The following MGA variants were observed in gnomAD, a reference collection of about 807,000 sequenced individuals.
The protein encoded by MGA is MAX gene-associated protein.
A neutral mutation model predicts 261.1 loss-of-function variants in MGA; 40 were observed. That is an observed-to-expected ratio of 0.15 (90% confidence interval 0.12 to 0.20). The LOEUF (loss-of-function observed/expected upper bound fraction) is 0.20. MGA is among the 10% of genes least tolerant of loss of function. The pLI, the probability that MGA is intolerant of heterozygous loss-of-function variation, is 1.00. For synonymous variants in MGA, 1,302 were observed against 1,290.6 expected, an observed-to-expected ratio of 1.01 and a Z score of -0.19; for missense variants, 3,397 against 3,630.5, an observed-to-expected ratio of 0.94 and a Z score of 1.65.
rs771172244 is a variant in MGA, at chr15:41,766,975, C to A, written c.8893C>A (p.Pro2965Thr). 1.2e-6 allele frequency: 2 copies of A among 1,613,986 alleles called. No homozygotes were observed. The highest frequency in any genetic ancestry group is 2.2e-5 in the East Asian group (1 of 44,884). ...AGAGCCCGAAAGTGTGTCCTCACCC[C>A]CCACCCTACACATGAAGACTGGCTT... Residue 2965 changes from proline to threonine, a missense_variant, in exon 24 of 24, where the codon CCC (proline) becomes ACC (threonine). Around this residue, in one of 9 missense-constraint regions of MGA, gnomAD observed 647 missense variants for 642.4 expected, o/e 1.01. Transcript: ENST00000219905.
chr15:41,691,693 A>G, intron 2 of MGA: 1 of 475,172 alleles, frequency 2.1e-6, no homozygotes, highest in Non-Finnish European at 4.5e-6. Flanking sequence ...TGGTAGGTAT[A>G]GAACATTAGT....
At chr15:41,671,232 G>A (rs2058042315) in intron 2 of MGA, among the ~76,000 whole-genome samples, 1 of 152,202 alleles carries the variant, frequency 6.6e-6, no homozygotes, top group Non-Finnish European at 1.5e-5. Flanking sequence ...GAGATGGGGG[G>A]GAGGATTTCA....
rs780655087 is a variant in MGA, at chr15:41,767,256, C to T, written c.9174C>T (p.Ala3058=). 8.1e-6 allele frequency: 13 copies of T among 1,612,054 alleles called. No individual in the cohort carries two copies. In the East Asian group the frequency reaches 1.1e-4, roughly 14 times the overall value. The change falls in exon 24 of 24, where the codon GCC becomes GCT. Residue 3058 remains alanine (A), a synonymous_variant. Coordinates refer to ENST00000219905, the MANE Select transcript of MGA (RefSeq NM_001164273.2). ...TGGCTAAATTGGGCAACTCGGGGGC[C>T]TCACCAAGTTCTGCAGGGAAATGAA...
chr15:41,636,670 C>T (rs2056715653), intron 1 of MGA, among the ~76,000 whole-genome samples: 1 of 152,084 alleles, frequency 6.6e-6, no homozygotes, highest in South Asian at 2.1e-4. Context: ...CCTCCTCAAC[C>T]TCCCAAAGTG....
At chr15:41,651,589 C>T (rs1052342427) in intron 1 of MGA, among the ~76,000 whole-genome samples, 19 of 147,850 alleles carry the variant, frequency 1.3e-4, no homozygotes, top group African/African-American at 4.8e-4. Context: ...TTCTCTTCTC[C>T]TTTCCTCCTT....
chr15:41,742,180 G>C (rs2062150740), intron 14 of MGA, among the ~76,000 whole-genome samples: 1 of 151,020 alleles, frequency 6.6e-6, no homozygotes, highest in Non-Finnish European at 1.5e-5. Context: ...CTGATGTCGG[G>C]AGTTCAAGAC....
intron 17 of MGA, among the ~76,000 whole-genome samples, chr15:41,753,433 A>G (rs2062966878): frequency 6.6e-6 from 1 of 152,066 alleles, no homozygotes. Flanking sequence ...CTATTTGTAA[A>G]GGTGGACTTA....
At chr15:41,621,704 G>C (rs1045692428) in intron 1 of MGA, 2 of 151,994 alleles carry the variant, frequency 1.3e-5, no homozygotes, top group African/African-American at 2.4e-5. Context: ...GGGGGAAGGA[G>C]AGGGTGGCGG....
chr15:41,675,047 A>C (rs2058303129), intron 2 of MGA, among the ~76,000 whole-genome samples: 6 of 152,060 alleles, frequency 3.9e-5, no homozygotes. Context: ...TCTCCTATTG[A>C]TGTATATTTG....
intron 1 of MGA, among the ~76,000 whole-genome samples, chr15:41,626,763 A>G (rs1286103881): frequency 3.9e-5 from 6 of 152,132 alleles, no homozygotes; most frequent in Non-Finnish European, 7.4e-5. Flanking sequence ...TTATAGAAAA[A>G]TTGCAGACTA....
upstream of MGA, among the ~76,000 whole-genome samples, chr15:41,655,992 C>T (rs1358123583): frequency 6.6e-6 from 1 of 152,148 alleles, no homozygotes; most frequent in Non-Finnish European, 1.5e-5. Context: ...TATGTGTCCA[C>T]CCTATCCCAG....
intron 18 of MGA, among the ~76,000 whole-genome samples, chr15:41,757,585 A>G (rs1227476751): frequency 1.3e-5 from 2 of 152,188 alleles, no homozygotes; most frequent in African/African-American, 4.8e-5. Context: ...ATATTTCATG[A>G]TTGTACAAAG....
At chr15:41,686,346 G>T (rs2058968134) in intron 2 of MGA, among the ~76,000 whole-genome samples, 1 of 152,052 alleles carries the variant, frequency 6.6e-6, no homozygotes, top group Non-Finnish European at 1.5e-5. Flanking sequence ...CACCCACCCA[G>T]CTCACCCCCA....
Position 41,766,217 on chromosome 15 carries a change from C to T in MGA, c.8135C>T (p.Thr2712Met), listed in dbSNP as rs374431638. The T allele has an allele frequency of 4.6e-5, 74 of 1,613,916 alleles. No homozygotes were observed. In the African/African-American group the frequency reaches 5.2e-4, roughly 11 times the overall value. ...AGAGGAAACAGAGATGGCAGAGTGA[C>T]GTTGGGTCCAACGCAGGTTTTTCTG... Residue 2712 changes from threonine to methionine, a missense_variant, in exon 24 of 24, where the codon ACG becomes ATG. Thr to Met is a moderately conservative substitution (Grantham distance 81). This residue lies in a region of MGA where 647 missense variants were observed against 642.4 expected (regional missense o/e 1.01). Transcript: ENST00000219905.
intron 17 of MGA, 107 bp downstream of exon 17, chr15:41,750,722 T>C: frequency 9.6e-7 from 1 of 1,041,642 alleles, no homozygotes; most frequent in South Asian, 1.8e-5. Context: ...TTTAATTGGA[T>C]GCCTAGGTTT....
At chr15:41,751,232 T>C (rs1270464782) in intron 17 of MGA, 1 of 152,240 alleles carries the variant, frequency 6.6e-6, no homozygotes, top group Non-Finnish European at 1.5e-5. Context: ...GTTTTTTTTA[T>C]AGGATTCCTA....
intron 2 of MGA, among the ~76,000 whole-genome samples, chr15:41,671,864 C>T (rs1212633297): frequency 6.6e-6 from 1 of 152,148 alleles, no homozygotes; most frequent in East Asian, 1.9e-4. Context: ...TCAAGCAATG[C>T]ATAGTTTTTT....
intron 2 of MGA, among the ~76,000 whole-genome samples, chr15:41,693,733 A>G (rs964241979): frequency 1.3e-5 from 2 of 152,130 alleles, no homozygotes; most frequent in Non-Finnish European, 2.9e-5. Context: ...ATGGCTGAGG[A>G]TAAATTATAT....
intron 17 of MGA, among the ~76,000 whole-genome samples, chr15:41,752,549 GTTTTTT>G (rs35282917): frequency 3.9e-5 from 4 of 102,146 alleles, no homozygotes; most frequent in South Asian, 3.7e-4. Flanking sequence ...AACCTTTAAA[GTTTTTT>G]TTTTTTTTTT....
Sources: gnomAD v4.1 joint callset for allele counts (sites outside exome capture counted in the v4.1 genomes callset) on GRCh38, gnomAD v4.1.1 for gene constraint, gnomAD v4.1.1 regional missense constraint, MANE v1.5 for transcripts, NCBI Gene and HGNC (gene_info 2026-07-23, HGNC 2026-07-21) for gene names.